Variants in ENTREP2 observed in about 807,000 individuals in gnomAD.
ENTREP2 encodes protein ENTREP2.
At chr15:29,661,042 G>A in the ENTREP2 span, among the ~76,000 whole-genome samples, 1 of 147,272 alleles carries the variant, frequency 6.8e-6, no homozygotes, top group African/African-American at 2.7e-5. Flanking sequence ...AATTAAGAGT[G>A]TGGTTGTAAT....
chr15:29,518,720 G>A, the ENTREP2 span, among the ~76,000 whole-genome samples: 4 of 152,170 alleles, frequency 2.6e-5, no homozygotes, highest in Admixed American at 6.5e-5. Context: ...GGAAACCCAC[G>A]CTGAAGGAAG....
chr15:29,287,572 G>T, the ENTREP2 span, among the ~76,000 whole-genome samples: 1 of 152,124 alleles, frequency 6.6e-6, no homozygotes, highest in African/African-American at 2.4e-5. Flanking sequence ...TATCTAATGA[G>T]AGATATGCAG....
chr15:29,520,051 A>C, the ENTREP2 span, among the ~76,000 whole-genome samples: 1 of 152,124 alleles, frequency 6.6e-6, no homozygotes, highest in African/African-American at 2.4e-5. Context: ...TGCCCCACTC[A>C]GCCCACTTGC....
At chr15:29,138,226 C>G in the ENTREP2 span, among the ~76,000 whole-genome samples, 1 of 152,138 alleles carries the variant, frequency 6.6e-6, no homozygotes, top group Admixed American at 6.5e-5. Context: ...ACCTTGAACA[C>G]CGAGATGCTG....
the ENTREP2 span, among the ~76,000 whole-genome samples, chr15:29,159,275 G>C: frequency 9.1e-3 from 1,388 of 152,026 alleles, 20 homozygotes; most frequent in African/African-American, 0.031. Context: ...GTCTGAAGTT[G>C]CTCATTCCTC....
chr15:29,581,827 T>G, the ENTREP2 span, among the ~76,000 whole-genome samples: 1 of 152,138 alleles, frequency 6.6e-6, no homozygotes, highest in Non-Finnish European at 1.5e-5. Flanking sequence ...TACTTGATAT[T>G]AAGGCTTACT....
the ENTREP2 span, among the ~76,000 whole-genome samples, chr15:29,429,740 T>C: frequency 8.5e-5 from 13 of 152,266 alleles, no homozygotes; most frequent in Non-Finnish European, 1.9e-4. Flanking sequence ...ACGGACCCCG[T>C]AGTTCTCAAA....
the ENTREP2 span, among the ~76,000 whole-genome samples, chr15:29,224,893 G>A: frequency 6.6e-6 from 1 of 152,202 alleles, no homozygotes; most frequent in African/African-American, 2.4e-5. Context: ...CACGGAAGTT[G>A]GGGAGGCTCA....
chr15:29,163,179 C>T, the ENTREP2 span, among the ~76,000 whole-genome samples: 86 of 152,264 alleles, frequency 5.6e-4, no homozygotes, highest in African/African-American at 8.4e-4. Context: ...AGCCCTAGAC[C>T]TTCCCTCTGA....
chr15:29,314,992 C>T, the ENTREP2 span, among the ~76,000 whole-genome samples: 1 of 152,236 alleles, frequency 6.6e-6, no homozygotes, highest in Non-Finnish European at 1.5e-5. Context: ...GCGGAGGTTG[C>T]AGTGAGCCGA....
chr15:29,459,318 G>A, the ENTREP2 span, among the ~76,000 whole-genome samples: 1 of 152,176 alleles, frequency 6.6e-6, no homozygotes, highest in East Asian at 1.9e-4. Context: ...AGAAGTGGCA[G>A]CTCTATGAAA....
At chr15:29,470,562 T>C in the ENTREP2 span, among the ~76,000 whole-genome samples, 18 of 152,264 alleles carry the variant, frequency 1.2e-4, no homozygotes, top group African/African-American at 4.3e-4. Flanking sequence ...CCATATGGTC[T>C]TTTCCAGGGA....
At chr15:29,519,406 A>G in the ENTREP2 span, among the ~76,000 whole-genome samples, 1 of 151,778 alleles carries the variant, frequency 6.6e-6, no homozygotes, top group African/African-American at 2.4e-5. Flanking sequence ...ACCCCGAGAT[A>G]GCAAGACCAA....
At chr15:29,287,918 G>A in the ENTREP2 span, among the ~76,000 whole-genome samples, 139 of 152,250 alleles carry the variant, frequency 9.1e-4, no homozygotes, top group Middle Eastern at 6.8e-3. Flanking sequence ...CAACAAGATC[G>A]AACAGAGAAT....
chr15:29,410,002 C>T, the ENTREP2 span, among the ~76,000 whole-genome samples: 1 of 152,198 alleles, frequency 6.6e-6, no homozygotes, highest in African/African-American at 2.4e-5. Flanking sequence ...GCTATCATCA[C>T]GTCTGAAGAG....
chr15:29,490,589 G>A, the ENTREP2 span, among the ~76,000 whole-genome samples: 13 of 152,100 alleles, frequency 8.5e-5, no homozygotes, highest in African/African-American at 1.7e-4. Flanking sequence ...GTTTACAATC[G>A]CTGACCTAGA....
chr15:29,480,185 G>A, the ENTREP2 span, among the ~76,000 whole-genome samples: 1 of 151,752 alleles, frequency 6.6e-6, no homozygotes, highest in Admixed American at 6.6e-5. Context: ...ACTGATTCAA[G>A]TTACTAGTAT....
the ENTREP2 span, among the ~76,000 whole-genome samples, chr15:29,659,432 T>C: frequency 6.6e-6 from 1 of 152,040 alleles, no homozygotes; most frequent in Non-Finnish European, 1.5e-5. Context: ...GATCACGCCA[T>C]TGCCCTCCAG....
the ENTREP2 span, among the ~76,000 whole-genome samples, chr15:29,431,225 G>A: frequency 2.6e-5 from 4 of 152,090 alleles, no homozygotes; most frequent in South Asian, 2.1e-4. Context: ...GGGGAGCCTC[G>A]GTTTATACCC....
Sources: gnomAD v4.1 joint callset for allele counts (sites outside exome capture counted in the v4.1 genomes callset) on GRCh38, gnomAD v4.1.1 for gene constraint, MANE v1.5 for transcripts, NCBI Gene and HGNC (gene_info 2026-07-23, HGNC 2026-07-21) for gene names.